MED12L: variants seen among roughly 807,000 people sequenced by gnomAD.
The protein encoded by MED12L is mediator of RNA polymerase II transcription subunit 12-like protein.
Under a neutral mutation model 281.3 loss-of-function variants are expected in MED12L, and 60 were observed. The observed-to-expected ratio is 0.21, with a 90% CI of 0.17 to 0.26. The LOEUF is 0.26. Ranked by LOEUF, MED12L falls within the 10% of genes least tolerant of loss-of-function variation. The pLI, the probability that MED12L is intolerant of heterozygous loss-of-function variation, is 1.00. For synonymous variants in MED12L, 974 were observed against 987.2 expected, an observed-to-expected ratio of 0.99 and a Z score of 0.25; for missense variants, 2,146 against 2,680.9, an observed-to-expected ratio of 0.80 and a Z score of 4.41.
intron 21 of MED12L, among the ~76,000 whole-genome samples, chr3:151,361,185 A>G (rs540183297): frequency 2.0e-5 from 3 of 152,244 alleles, no homozygotes; most frequent in South Asian, 2.1e-4. Context: ...AGAAGGTTCT[A>G]TAGCCCCATT....
In MED12L at chr3:151,145,934, G is replaced by C. The variant is rs147969713; in HGVS notation, c.557-10227G>C. On this transcript the variant is annotated intron_variant, in intron 5 of 44. Transcript: ENST00000687756. ...CTGCTGCAGTCACCTCCCTGATGGAGTTGGCAGCCTCCTTTCCAGGGTTTC... is the reference window on the plus strand; with the variant it reads ...CTGCTGCAGTCACCTCCCTGATGGACTTGGCAGCCTCCTTTCCAGGGTTTC... Among the ~76,000 whole-genome samples, 168 of 152,350 alleles carry C rather than the reference G, an allele frequency of 1.1e-3. 2 individuals are homozygous for C. The highest frequency in any genetic ancestry group is 6.8e-3 in the Middle Eastern group (2 of 294).
intron 42 of MED12L, 60 bp from the exon 43 acceptor site, chr3:151,416,252 A>AT (rs36062494): frequency 6.2e-7 from 1 of 1,612,046 alleles, no homozygotes; most frequent in Non-Finnish European, 8.5e-7. Context: ...GGGGAAACAG[A>AT]TTCAGCAATG....
chr3:151,151,703 C>T (rs1718541502), intron 5 of MED12L, among the ~76,000 whole-genome samples: 1 of 152,042 alleles, frequency 6.6e-6, no homozygotes, highest in African/African-American at 2.4e-5. Context: ...CGTGGCACCT[C>T]AAGACATTTA....
At chr3:151,168,775 G>C (rs1031954379) in intron 11 of MED12L, among the ~76,000 whole-genome samples, 8 of 152,058 alleles carry the variant, frequency 5.3e-5, no homozygotes, top group Non-Finnish European at 7.4e-5. Context: ...GTACTGTCTT[G>C]GCTCCCTGCA....
At chr3:151,197,504 A>G (rs1377151624) in intron 16 of MED12L, among the ~76,000 whole-genome samples, 2 of 152,166 alleles carry the variant, frequency 1.3e-5, no homozygotes, top group Non-Finnish European at 2.9e-5. Flanking sequence ...ATCTTTCTGG[A>G]CCTGGGTGGC....
intron 13 of MED12L, 145 bp from the exon 14 acceptor site, chr3:151,190,572 C>T (rs983060795): frequency 1.4e-6 from 1 of 716,972 alleles, no homozygotes; most frequent in Admixed American, 2.6e-5. Flanking sequence ...GCCCAAAATG[C>T]TAGTGCCTCA....
rs66791814 is a variant in MED12L, at chr3:151,435,062, C to CTTTTTTTTTTT, written c.*2268_*2278dup. On this transcript the variant is annotated 3_prime_UTR_variant, in exon 45 of 45. Transcript: ENST00000687756. ...GTTAATTCTGTATCTTGAGAGGTTT[C>CTTTTTTTTTTT]TTTTTTTTTTTTTTTTTTTTCTTTT... 11 of 119,076 alleles carry CTTTTTTTTTTT rather than the reference C, an allele frequency of 9.2e-5. No individual in the cohort carries two copies. Among genetic ancestry groups the CTTTTTTTTTTT allele is most frequent in the South Asian group, 2.7e-4 (1 of 3,674 alleles). 7.4% of individuals were successfully genotyped at this position (119,076 alleles called of 1,614,324 possible).
chr3:151,411,128 T>G, intron 40 of MED12L, 150 bp from the exon 41 acceptor site: 1 of 642,720 alleles, frequency 1.6e-6, no homozygotes, highest in South Asian at 1.9e-5. Context: ...TCCAGGGTAG[T>G]CCTCCTCAAA....
intron 11 of MED12L, among the ~76,000 whole-genome samples, chr3:151,169,890 G>GTAGGCC (rs1721212879): frequency 6.6e-6 from 1 of 152,186 alleles, no homozygotes; most frequent in African/African-American, 2.4e-5. Context: ...TCGTGTCTAG[G>GTAGGCC]TAGGCCTAGG....
chr3:151,208,613 G>A (rs190986442), intron 16 of MED12L, among the ~76,000 whole-genome samples: 48 of 152,256 alleles, frequency 3.2e-4, no homozygotes, highest in Admixed American at 5.2e-4. Context: ...TGGAGGTGGA[G>A]GTTGCAGTGA....
chr3:151,244,889 AAAAG>A (rs1022262658), intron 16 of MED12L, among the ~76,000 whole-genome samples: 31 of 152,262 alleles, frequency 2.0e-4, no homozygotes, highest in East Asian at 5.8e-4. Flanking sequence ...AATAAAGAAA[AAAAG>A]AGAGAAGAAT....
chr3:151,406,665 T>G (rs1475392238), intron 39 of MED12L, among the ~76,000 whole-genome samples: 2 of 152,244 alleles, frequency 1.3e-5, no homozygotes, highest in Non-Finnish European at 2.9e-5. Context: ...TACCTGAACA[T>G]GGTATAAAAC....
At chr3:151,284,647 T>C (rs1396760345) in intron 16 of MED12L, among the ~76,000 whole-genome samples, 1 of 152,220 alleles carries the variant, frequency 6.6e-6, no homozygotes, top group Non-Finnish European at 1.5e-5. Flanking sequence ...TCGCCCTTGT[T>C]GCCCAGGCTG....
At chr3:151,366,348 A>G (rs564851263) in intron 23 of MED12L, among the ~76,000 whole-genome samples, 2 of 152,340 alleles carry the variant, frequency 1.3e-5, no homozygotes, top group South Asian at 2.1e-4. Flanking sequence ...TAATCTAACT[A>G]AAGCAGTTCA....
In MED12L at chr3:151,390,058, C is replaced by A; in HGVS notation, c.5531C>A (p.Ser1844Tyr). The change falls in exon 38 of 45, where the codon TCC becomes TAC. Residue 1844 changes from serine to tyrosine, a missense_variant. Coordinates refer to ENST00000687756, the MANE Select transcript of MED12L (RefSeq NM_001393769.1). ...TCCCAAATGATGCACCATCCACAGT[C>A]CACCTTGTGGGGTTACAACCTCGTG... Reference protein sequence around the residue: ...ISSQMMHHPQSTLWGYNLVGQ... With the variant: ...ISSQMMHHPQYTLWGYNLVGQ... 1 of 1,614,074 alleles carries A rather than the reference C, an allele frequency of 6.2e-7. No homozygotes were observed. The highest frequency in any genetic ancestry group is 2.2e-5 in the East Asian group (1 of 44,876).
chr3:151,305,568 A>C (rs1049669799), intron 16 of MED12L, among the ~76,000 whole-genome samples: 1 of 152,202 alleles, frequency 6.6e-6, no homozygotes, highest in Non-Finnish European at 1.5e-5. Context: ...CCCGCCAGGT[A>C]GGAAGATACG....
chr3:151,403,197 G>T (rs1415838618), intron 39 of MED12L, among the ~76,000 whole-genome samples: 2 of 152,006 alleles, frequency 1.3e-5, no homozygotes, highest in South Asian at 4.2e-4. Context: ...TTTAATGGAA[G>T]TTTTTTTCTG....
Position 151,085,670 on chromosome 3 carries a change from A to T in MED12L, c.-396A>T, listed in dbSNP as rs1719045027. 1.3e-5 allele frequency: 2 copies of T among 151,882 alleles called. No homozygotes were observed. The highest frequency in any genetic ancestry group is 4.1e-4 in the South Asian group (2 of 4,828). 9.4% of individuals were successfully genotyped at this position (151,882 alleles called of 1,614,324 possible). On this transcript the variant is annotated 5_prime_UTR_variant, in exon 1 of 45. Transcript: ENST00000687756. ...TCCGGCCGCCGAGCTGGGCATGCTC[A>T]GTGCGGACGCCGCGCCGCCGTCCGC... is the stretch of plus-strand genomic sequence containing the variant.
At chr3:151,335,542 C>CT (rs780939802) in intron 16 of MED12L, among the ~76,000 whole-genome samples, 29 of 152,268 alleles carry the variant, frequency 1.9e-4, no homozygotes, top group Middle Eastern at 6.8e-3. Context: ...ATGGGCAAGA[C>CT]TACATTTTGT....
Sources: gnomAD v4.1 joint callset for allele counts (sites outside exome capture counted in the v4.1 genomes callset) on GRCh38, gnomAD v4.1.1 for gene constraint, MANE v1.5 for transcripts, NCBI Gene and HGNC (gene_info 2026-07-23, HGNC 2026-07-21) for gene names.